PHACTR3: variants seen among roughly 807,000 people sequenced by gnomAD.
PHACTR3 encodes protein phosphatase 1, regulatory subunit 123.
A neutral mutation model predicts 66.8 loss-of-function variants in PHACTR3; 16 were observed. The observed-to-expected ratio is 0.24, with a 90% CI of 0.16 to 0.36. The LOEUF (loss-of-function observed/expected upper bound fraction) is 0.36, where lower values mean the gene tolerates loss of function less well. PHACTR3 is among the 10% of genes least tolerant of loss of function. PHACTR3 has a pLI of 1.00. For missense variants in PHACTR3, 647 were observed against 719.9 expected (o/e 0.90, Z 1.16); for synonymous variants, 323 against 292.1 (o/e 1.11, Z -1.08).
At chr20:59,710,769 T>TCCCTCCCC (rs1555820114) in intron 1 of PHACTR3, among the ~76,000 whole-genome samples, 2 of 150,738 alleles carry the variant, frequency 1.3e-5, no homozygotes, top group African/African-American at 2.4e-5. Context: ...ACCATGGCTT[T>TCCCTCCCC]CCCTCACCCA....
At chr20:59,655,876 TCTCA>T (rs1234857422) in intron 1 of PHACTR3, among the ~76,000 whole-genome samples, 1 of 151,942 alleles carries the variant, frequency 6.6e-6, no homozygotes, top group East Asian at 1.9e-4. Flanking sequence ...TACTTTCTAA[TCTCA>T]CTCATGATTT....
At chr20:59,790,440 T>C (rs2041055331) in intron 7 of PHACTR3, among the ~76,000 whole-genome samples, 1 of 152,224 alleles carries the variant, frequency 6.6e-6, no homozygotes, top group Non-Finnish European at 1.5e-5. Flanking sequence ...GGGATCAAGC[T>C]GATGGAAATA....
chr20:59,741,851 C>G (rs895156830), intron 1 of PHACTR3, among the ~76,000 whole-genome samples: 34 of 151,862 alleles, frequency 2.2e-4, no homozygotes, highest in Non-Finnish European at 2.4e-4. Flanking sequence ...CAACCTTTGC[C>G]TCCCGGGTTG....
At chr20:59,581,488 C>A (rs2032855948) in intron 1 of PHACTR3, among the ~76,000 whole-genome samples, 1 of 152,182 alleles carries the variant, frequency 6.6e-6, no homozygotes, top group Non-Finnish European at 1.5e-5. Flanking sequence ...CAGCTGTCAC[C>A]CCATTACTTT....
intron 1 of PHACTR3, among the ~76,000 whole-genome samples, chr20:59,583,989 A>C (rs1421061316): frequency 1.3e-5 from 2 of 152,216 alleles, no homozygotes; most frequent in Admixed American, 1.3e-4. Flanking sequence ...TCACACTACG[A>C]AGTGGGCCAG....
In PHACTR3 at chr20:59,768,183, T is replaced by C. The variant is rs535133884; in HGVS notation, c.751+788T>C. On this transcript the variant is annotated intron_variant, in intron 5 of 12. Transcript: ENST00000371015. The stretch of plus-strand genomic sequence containing the variant: ...GAGATAATTACTTTGCAAGCTTAGG[T>C]ATTTTTTATCTGGAATTGACTGCTA... Among the ~76,000 whole-genome samples, 50 of 152,368 alleles carry C rather than the reference T, an allele frequency of 3.3e-4. 1 individual carries two copies. The highest frequency in any genetic ancestry group is 1.2e-3 in the African/African-American group (48 of 41,590).
chr20:59,842,360 G>A (rs576234983), intron 11 of PHACTR3, among the ~76,000 whole-genome samples: 2 of 152,182 alleles, frequency 1.3e-5, no homozygotes, highest in Non-Finnish European at 2.9e-5. Context: ...TGCTGAGTAT[G>A]AGTATGTACA....
rs1020023287 is a variant in PHACTR3 at position 59,830,595 on chromosome 20, A to T, written c.1329-5910A>T. On this transcript the variant is annotated intron_variant, in intron 8 of 12. Transcript: ENST00000371015. This position sits in a 1 kb window ranked among gnomAD's most constrained non-coding sequence, Gnocchi z 5.8. ...TGCAAGGAGGCGCTGGGCAGGATGG[A>T]GCCTGCAGCTCTGCTGGCTGAAGGT... is the stretch of plus-strand genomic sequence containing the variant. 6.6e-6 allele frequency among the ~76,000 whole-genome samples: 1 copy of T among 152,172 alleles called. No homozygotes were observed. Among genetic ancestry groups the T allele is most frequent in the African/African-American group, 2.4e-5 (1 of 41,436 alleles).
intron 1 of PHACTR3, among the ~76,000 whole-genome samples, chr20:59,654,698 T>C (rs73140871): frequency 1.8e-3 from 275 of 152,254 alleles, no homozygotes; most frequent in Middle Eastern, 0.017. Flanking sequence ...AAATAAAATA[T>C]GGAAAAGTCA....
intron 1 of PHACTR3, among the ~76,000 whole-genome samples, chr20:59,593,157 T>C (rs1592271): frequency 0.5 from 75,775 of 152,044 alleles, 18,926 homozygotes; most frequent in East Asian, 0.54. Context: ...CACATTCTCG[T>C]CAGCATTTGG....
At chr20:59,623,143 A>T (rs1251338940) in intron 1 of PHACTR3, among the ~76,000 whole-genome samples, 1 of 151,992 alleles carries the variant, frequency 6.6e-6, no homozygotes, top group Non-Finnish European at 1.5e-5. Flanking sequence ...TATTGAAAAA[A>T]ACTCAACAGG....
intron 1 of PHACTR3, among the ~76,000 whole-genome samples, chr20:59,740,104 C>T (rs1041385836): frequency 2.6e-5 from 4 of 152,120 alleles, no homozygotes; most frequent in Non-Finnish European, 5.9e-5. Flanking sequence ...AGCGTTTACT[C>T]CATCATCATT....
intron 1 of PHACTR3, among the ~76,000 whole-genome samples, chr20:59,706,219 A>G (rs1157123802): frequency 1.3e-5 from 2 of 152,186 alleles, no homozygotes; most frequent in African/African-American, 4.8e-5. Context: ...ATTTCTGCAA[A>G]AGACAATAGG....
At position 59,604,781 on chromosome 20, in the gene PHACTR3, A is replaced by C; in HGVS notation, c.-234A>C. On this transcript the variant is annotated 5_prime_UTR_variant, in exon 1 of 13. Transcript: ENST00000371015. ...AATAAATAACAAAGCGAGGCCGCGC[A>C]CGCCGGGATGCGCCTGGCTGCAGCC... is the stretch of plus-strand genomic sequence containing the variant. The C allele has an allele frequency of 8.4e-7, 1 of 1,189,948 alleles. No homozygotes were observed. Among genetic ancestry groups the C allele is most frequent in the Non-Finnish European group, 1.0e-6 (1 of 964,620 alleles). The allele number at this position is 1,189,948 out of a possible 1,614,324, so 73.7% of individuals were successfully genotyped here.
chr20:59,776,676 G>A (rs771639590), intron 7 of PHACTR3, among the ~76,000 whole-genome samples: 5 of 151,874 alleles, frequency 3.3e-5, no homozygotes. Context: ...CACAGAAGAG[G>A]ATGGGAATCT....
At chr20:59,678,150 A>ATTT (rs548021353) in intron 1 of PHACTR3, among the ~76,000 whole-genome samples, 1 of 151,296 alleles carries the variant, frequency 6.6e-6, no homozygotes. Context: ...ATAGATATAG[A>ATTT]TTTTTTTTTC....
At chr20:59,669,089 G>T (rs1461426178) in intron 1 of PHACTR3, among the ~76,000 whole-genome samples, 1 of 152,010 alleles carries the variant, frequency 6.6e-6, no homozygotes, top group Non-Finnish European at 1.5e-5. Context: ...GTCTTCAGAT[G>T]CTGCCTCTGC....
chr20:59,622,313 A>G (rs2034271678), intron 1 of PHACTR3, among the ~76,000 whole-genome samples: 1 of 151,960 alleles, frequency 6.6e-6, no homozygotes, highest in Admixed American at 6.6e-5. Flanking sequence ...TGCCTGGCCA[A>G]CCTCTGTCAG....
intron 1 of PHACTR3, among the ~76,000 whole-genome samples, chr20:59,629,947 G>A (rs1357920695): frequency 6.6e-6 from 1 of 152,056 alleles, no homozygotes; most frequent in Admixed American, 6.5e-5. Context: ...GCAGCCAAGG[G>A]GGTTCCATGC....
Sources: allele counts gnomAD v4.1 joint callset (sites outside exome capture counted in the v4.1 genomes callset), GRCh38; gene constraint gnomAD v4.1.1; non-coding constraint Gnocchi (gnomAD v3.1); transcripts MANE v1.5; gene names NCBI Gene and HGNC (gene_info 2026-07-23, HGNC 2026-07-21).